Variants in PCYT1B observed in about 807,000 individuals in gnomAD.
PCYT1B encodes the protein choline-phosphate cytidylyltransferase B.
PCYT1B carries 10 observed loss-of-function variants against 26.4 expected under a neutral mutation model. The ratio of observed to expected loss-of-function variants is 0.38; its 90% confidence interval spans 0.23 to 0.64. The LOEUF (loss-of-function observed/expected upper bound fraction) is 0.64. Ranked by LOEUF, PCYT1B falls within the 30% of genes least tolerant of loss-of-function variation. The pLI, the probability that PCYT1B is intolerant of heterozygous loss-of-function variation, is 0.56. For synonymous variants in PCYT1B, 131 were observed against 108.4 expected, an observed-to-expected ratio of 1.21 and a Z score of -1.29; for missense variants, 161 against 292.7, an observed-to-expected ratio of 0.55 and a Z score of 3.28.
intron 3 of PCYT1B, among the ~76,000 whole-genome samples, chrX:24,592,079 A>T (rs1040919297): frequency 1.4e-4 from 16 of 111,137 alleles, no homozygotes; most frequent in Non-Finnish European, 2.8e-4. Flanking sequence ...TCTGGTAACC[A>T]CTGTTCTACT....
At chrX:24,634,119 A>G (rs771111264) in intron 1 of PCYT1B, among the ~76,000 whole-genome samples, 25 of 110,953 alleles carry the variant, frequency 2.3e-4, no homozygotes, top group Non-Finnish European at 4.3e-4. Flanking sequence ...GTGTCTTACT[A>G]TGTTGCCCAG....
intron 4 of PCYT1B, among the ~76,000 whole-genome samples, chrX:24,589,435 A>C (rs1160188804): frequency 8.9e-6 from 1 of 112,059 alleles, no homozygotes; most frequent in African/African-American, 3.2e-5. Context: ...AACTAATAAA[A>C]ATCTTATGTC....
At chrX:24,646,740 G>A (rs1326104493) in intron 1 of PCYT1B, among the ~76,000 whole-genome samples, 1 of 110,827 alleles carries the variant, frequency 9.0e-6, no homozygotes, top group Non-Finnish European at 1.9e-5. Flanking sequence ...CCCTCCTCCC[G>A]AAGCACAAAA....
intron 5 of PCYT1B, 59 bp downstream of exon 5, chrX:24,587,181 CT>C: frequency 3.7e-6 from 3 of 815,250 alleles, no homozygotes; most frequent in Non-Finnish European, 5.6e-6. Context: ...AGACAGATGT[CT>C]CTTATTGCAC....
intron 1 of PCYT1B, among the ~76,000 whole-genome samples, chrX:24,659,550 T>C (rs1400515296): frequency 8.9e-6 from 1 of 111,871 alleles, no homozygotes; most frequent in Non-Finnish European, 1.9e-5. Flanking sequence ...TCTAACACTT[T>C]AGGGGTGTCT....
At chrX:24,649,593 G>A (rs920092704), upstream of PCYT1B, among the ~76,000 whole-genome samples, 2 of 112,076 alleles carry the variant, frequency 1.8e-5, no homozygotes, top group Non-Finnish European at 3.8e-5. Context: ...TCTCCAGAAT[G>A]AGAGGTTCAC....
In PCYT1B at chrX:24,629,581, A is replaced by AC. The variant is rs1161743380; in HGVS notation, c.118-10498_118-10497insG. ...TCTCAAAAAAAAAAAAAAAAAAAAAAAAAAAAAAACAACACGTATTTTCCA... is the reference window on the plus strand; with the variant it reads ...TCTCAAAAAAAAAAAAAAAAAAAAAACAAAAAAAAACAACACGTATTTTCCA... On this transcript the variant is annotated intron_variant, in intron 1 of 7. Transcript: ENST00000379144. Among the ~76,000 whole-genome samples, 16 of 99,831 alleles carry AC rather than the reference A, an allele frequency of 1.6e-4. 1 individual carries two copies. Among genetic ancestry groups the AC allele is most frequent in the African/African-American group, 5.7e-4 (16 of 28,143 alleles). The allele number at this position is 99,831 out of a possible 115,157, so 86.7% of individuals were successfully genotyped here. A position where few individuals can be genotyped will look rare whatever the true frequency, so the allele number is the denominator to read the frequency against.
chrX:24,586,891 G>A (rs1924387941), intron 5 of PCYT1B, among the ~76,000 whole-genome samples: 1 of 111,981 alleles, frequency 8.9e-6, no homozygotes, highest in South Asian at 3.7e-4. Flanking sequence ...TTTCTTGGGA[G>A]TATCCAATAA....
At position 24,558,452 on chromosome X, in the gene PCYT1B, G is replaced by T. The variant is rs1470677842; in HGVS notation, c.*3841C>A. ...CTGATGGCCAAGACTAGTGCTGAACGGATGCCTAAGAAACAGGCACATCTC... is the reference window on the plus strand; with the variant it reads ...CTGATGGCCAAGACTAGTGCTGAACTGATGCCTAAGAAACAGGCACATCTC... On this transcript the variant is annotated 3_prime_UTR_variant, in exon 8 of 8. Coordinates refer to ENST00000379144, the MANE Select transcript of PCYT1B (RefSeq NM_004845.5). 1 of 110,142 alleles carries T rather than the reference G, an allele frequency of 9.1e-6. No homozygotes were observed. The highest frequency in any genetic ancestry group is 1.9e-5 in the Non-Finnish European group (1 of 52,823). 9.1% of individuals were successfully genotyped at this position (110,142 alleles called of 1,213,427 possible).
intron 7 of PCYT1B, among the ~76,000 whole-genome samples, chrX:24,566,359 T>G (rs1378208245): frequency 8.9e-6 from 1 of 111,995 alleles, no homozygotes; most frequent in Non-Finnish European, 1.9e-5. Flanking sequence ...TTAAATAATA[T>G]TTCATCATGT....
chrX:24,569,417 C>T (rs1455982627), intron 7 of PCYT1B, among the ~76,000 whole-genome samples: 1 of 111,644 alleles, frequency 9.0e-6, no homozygotes, highest in Non-Finnish European at 1.9e-5. Flanking sequence ...CATAGAATTA[C>T]CATGTTGTCC....
At chrX:24,637,172 G>A (rs1926297413) in intron 1 of PCYT1B, among the ~76,000 whole-genome samples, 1 of 109,550 alleles carries the variant, frequency 9.1e-6, no homozygotes, top group Admixed American at 1.0e-4. Context: ...ATATGACTGG[G>A]AGGGCTAAAT....
chrX:24,563,645 G>A (rs1376442922), intron 7 of PCYT1B, among the ~76,000 whole-genome samples: 1 of 111,460 alleles, frequency 9.0e-6, no homozygotes, highest in African/African-American at 3.3e-5. Flanking sequence ...GGCCATCGTG[G>A]CAGTATGGAG....
chrX:24,637,732 A>G (rs1395378750), intron 1 of PCYT1B, among the ~76,000 whole-genome samples: 3 of 106,917 alleles, frequency 2.8e-5, no homozygotes, highest in African/African-American at 6.9e-5. Flanking sequence ...TACTTATAAC[A>G]TGAGGAATAG....
upstream of PCYT1B, among the ~76,000 whole-genome samples, chrX:24,648,939 T>C (rs1389687937): frequency 1.8e-5 from 2 of 111,928 alleles, no homozygotes; most frequent in South Asian, 3.8e-4. Flanking sequence ...ACATTATTTT[T>C]ATTACTCCTC....
chrX:24,565,902 A>C (rs764299788), intron 7 of PCYT1B, among the ~76,000 whole-genome samples: 15 of 111,503 alleles, frequency 1.3e-4, no homozygotes, highest in Non-Finnish European at 2.4e-4. Context: ...AATCAAAAAG[A>C]AGAAGGTGAA....
At chrX:24,632,399 A>G (rs1926123432) in intron 1 of PCYT1B, 2 of 155,003 alleles carry the variant, frequency 1.3e-5, no homozygotes, top group East Asian at 3.1e-4. Context: ...GTCCATCTCA[A>G]CTCTGGCATC....
At chrX:24,659,649 C>T (rs1286050288) in intron 1 of PCYT1B, among the ~76,000 whole-genome samples, 1 of 111,633 alleles carries the variant, frequency 9.0e-6, no homozygotes, top group Non-Finnish European at 1.9e-5. Flanking sequence ...TTGTGGAAGC[C>T]GGGAAGACCA....
At chrX:24,587,207 G>A (rs1310469169) in intron 5 of PCYT1B, 34 bp downstream of exon 5, 2 of 966,225 alleles carry the variant, frequency 2.1e-6, no homozygotes, top group Admixed American at 2.2e-5. Flanking sequence ...TTATTGTGAT[G>A]TGGTTGACAG....
Sources: allele counts gnomAD v4.1 joint callset (sites outside exome capture counted in the v4.1 genomes callset), GRCh38; gene constraint gnomAD v4.1.1; transcripts MANE v1.5; gene names NCBI Gene and HGNC (gene_info 2026-07-23, HGNC 2026-07-21).